The following NKAIN4 variants were observed in gnomAD, a reference collection of about 807,000 sequenced individuals.
NKAIN4 encodes the protein sodium/potassium transporting ATPase interacting 4.
NKAIN4 carries 28 observed loss-of-function variants against 28.8 expected under a neutral mutation model. The observed-to-expected ratio is 0.97, with a 90% CI of 0.72 to 1.33. The LOEUF (loss-of-function observed/expected upper bound fraction) is 1.33, where lower values mean the gene tolerates loss of function less well. NKAIN4 is among the 40% of genes most tolerant of loss of function. The pLI, the probability that NKAIN4 is intolerant of heterozygous loss-of-function variation, is 0.00. For synonymous variants in NKAIN4, 122 were observed against 115.6 expected (o/e 1.06, Z -0.36); for missense variants, 289 against 277.2 (o/e 1.04, Z -0.30).
chr20:63,243,750 G>A (rs6011696), intron 5 of NKAIN4: 13 of 351,270 alleles, frequency 3.7e-5, no homozygotes, highest in Middle Eastern at 7.9e-4. Flanking sequence ...TGGCCACTGC[G>A]GGGATCATGA....
chr20:63,242,604 A>G lies in NKAIN4; in HGVS notation c.552T>C (p.Phe184=), dbSNP rs1369522167. 6.2e-7 allele frequency: 1 copy of G among 1,612,718 alleles called. No individual in the cohort carries two copies. Among genetic ancestry groups the G allele is most frequent in the Non-Finnish European group, 8.5e-7 (1 of 1,179,050 alleles). ...TGACATGGTAGAGAGGAAATGGATC[A>G]AATCCACCAATGAAATCAACTGAAA... ...EEDSFDFIGG[F]DPFPLYHVNE... The change falls in exon 6 of 7, where the codon TTT becomes TTC. Residue 184 remains phenylalanine, a synonymous_variant. Transcript: ENST00000370316.
chr20:63,241,590 C>G, intron 6 of NKAIN4, 84 bp from the exon 7 acceptor site: 1 of 1,263,920 alleles, frequency 7.9e-7, no homozygotes, highest in Admixed American at 2.0e-5. Context: ...CTTGGAGAAC[C>G]TGAAATGGAA....
chr20:63,241,332 T>G lies in NKAIN4; in HGVS notation c.*165A>C, dbSNP rs2066746694. 1.6e-6 allele frequency: 1 copy of G among 642,790 alleles called. No individual in the cohort carries two copies. The highest frequency in any genetic ancestry group is 1.8e-5 in the African/African-American group (1 of 54,384). The allele number at this position is 642,790 out of a possible 1,614,324, so 39.8% of individuals were successfully genotyped here. On this transcript the variant is annotated 3_prime_UTR_variant, in exon 7 of 7. Transcript: ENST00000370316. The stretch of plus-strand genomic sequence containing the variant: ...GCTGCAGCCAGCCGTGGCACTGCCC[T>G]GCCGCCCTGGCTGGTGTCCAGTACT...
intron 4 of NKAIN4, chr20:63,246,514 G>C: frequency 1.0e-6 from 1 of 985,408 alleles, no homozygotes; most frequent in Non-Finnish European, 1.2e-6. Flanking sequence ...GGGAGCTCAC[G>C]AGGCCACCCG....
At chr20:63,246,713 C>G (rs1193802674) in intron 4 of NKAIN4, 24 of 969,130 alleles carry the variant, frequency 2.5e-5, no homozygotes, top group Non-Finnish European at 2.7e-5. Flanking sequence ...AGCGACGGCA[C>G]CAGCCGTGCT....
Position 63,247,641 on chromosome 20 carries a change from A to G in NKAIN4, c.408T>C (p.Ala136=). The change falls in exon 4 of 7, where the codon GCT becomes GCC. Residue 136 remains alanine, a synonymous_variant. Coordinates refer to ENST00000370316, the MANE Select transcript of NKAIN4 (RefSeq NM_152864.4). Reference sequence around the variant, plus strand: ...CATAGCTGGGCTCCAGGGCACAGCCAGCACCTGACACCAGGGCCTGGCCAT... The same window carrying G: ...CATAGCTGGGCTCCAGGGCACAGCCGGCACCTGACACCAGGGCCTGGCCAT... The part of the protein sequence containing the change: ...APHGQALVSG[A]GCALEPSYVE... 1 of 1,547,946 alleles carries G rather than the reference A, an allele frequency of 6.5e-7. No homozygotes were observed. The highest frequency in any genetic ancestry group is 8.7e-7 in the Non-Finnish European group (1 of 1,145,614).
chr20:63,253,602 G>T, intron 1 of NKAIN4: 1 of 803,074 alleles, frequency 1.2e-6, no homozygotes, highest in Non-Finnish European at 1.5e-6. Flanking sequence ...AAGCAAAGCA[G>T]CTTCCCCAGC....
At chr20:63,241,841 T>G in intron 6 of NKAIN4, 3 of 455,668 alleles carry the variant, frequency 6.6e-6, no homozygotes, top group Non-Finnish European at 4.2e-6. Flanking sequence ...CAGGTCTTTA[T>G]TCCCCTGTTC....
At chr20:63,247,292 T>C (rs1363743955) in intron 4 of NKAIN4, 5 of 1,363,320 alleles carry the variant, frequency 3.7e-6, no homozygotes, top group Non-Finnish European at 4.8e-6. Flanking sequence ...CTCGGCCTGA[T>C]CCGATTCCTT....
At chr20:63,243,990 C>T in intron 5 of NKAIN4, 34 bp downstream of exon 5, 1 of 1,587,222 alleles carries the variant, frequency 6.3e-7, no homozygotes, top group Non-Finnish European at 8.6e-7. Context: ...GTAGCCGTCT[C>T]CCGCCCCACT....
chr20:63,243,761 G>A (rs918453336), intron 5 of NKAIN4: 3 of 398,318 alleles, frequency 7.5e-6, no homozygotes, highest in Admixed American at 7.9e-5. Context: ...GGGATCATGA[G>A]GGCAGGCCCA....
intron 1 of NKAIN4, among the ~76,000 whole-genome samples, chr20:63,250,490 C>CG (rs1167464544): frequency 2.6e-5 from 4 of 152,080 alleles, no homozygotes; most frequent in East Asian, 1.9e-4. Flanking sequence ...AAACGCCACT[C>CG]GGGGGGGTCG....
chr20:63,247,681 C>A lies in NKAIN4; in HGVS notation c.368G>T (p.Gly123Val), dbSNP rs1434162368. Residue 123 changes from glycine to valine, a missense_variant, in exon 4 of 7, where the codon GGC becomes GTC. By Grantham distance (109) the Gly-to-Val change is moderately radical. Coordinates refer to ENST00000370316, the MANE Select transcript of NKAIN4 (RefSeq NM_152864.4). ...GCLHEEVPAV[G>V]LGAPHGQALV... is the part of the protein sequence containing the mutation. ...GGCCTGGCCATGGGGGGCCCCGAGGCCCACTGCTGGCACCTCCTCATGCAG... is the reference window on the plus strand; with the variant it reads ...GGCCTGGCCATGGGGGGCCCCGAGGACCACTGCTGGCACCTCCTCATGCAG... 3 of 1,541,172 alleles carry A rather than the reference C, an allele frequency of 1.9e-6. No homozygotes were observed. The highest frequency in any genetic ancestry group is 2.6e-6 in the Non-Finnish European group (3 of 1,142,512).
intron 5 of NKAIN4, chr20:63,243,746 C>T (rs1391682346): frequency 8.7e-6 from 3 of 344,584 alleles, no homozygotes; most frequent in Non-Finnish European, 1.6e-5. Flanking sequence ...CCCGTGGCCA[C>T]TGCGGGGATC....
At chr20:63,250,803 G>A (rs754351991) in intron 1 of NKAIN4, among the ~76,000 whole-genome samples, 1 of 152,030 alleles carries the variant, frequency 6.6e-6, no homozygotes, top group Non-Finnish European at 1.5e-5. Context: ...AGGGACTGGC[G>A]CACTCGGCAC....
chr20:63,246,030 C>CAT (rs2066849841), intron 4 of NKAIN4, among the ~76,000 whole-genome samples: 1 of 151,958 alleles, frequency 6.6e-6, no homozygotes, highest in Non-Finnish European at 1.5e-5. Flanking sequence ...CGGGTTCATG[C>CAT]CATTCTCCTG....
chr20:63,240,848 G>A lies in NKAIN4; in HGVS notation c.*649C>T, dbSNP rs549887217. 1 of 152,538 alleles carries A rather than the reference G, an allele frequency of 6.6e-6. No individual in the cohort carries two copies. Among genetic ancestry groups the A allele is most frequent in the East Asian group, 1.9e-4 (1 of 5,184 alleles). 9.4% of individuals were successfully genotyped at this position (152,538 alleles called of 1,614,324 possible). A position where few individuals can be genotyped will look rare whatever the true frequency, so the allele number is the denominator to read the frequency against. ...CCTGGGGGAGCCTTTGGGACTGTTT[G>A]CCCAAGAGCCCCCTTTACAAGAGTA... On this transcript the variant is annotated 3_prime_UTR_variant, in exon 7 of 7. Coordinates refer to ENST00000370316, the MANE Select transcript of NKAIN4 (RefSeq NM_152864.4).
intron 5 of NKAIN4, 133 bp downstream of exon 5, chr20:63,243,891 A>G: frequency 1.4e-6 from 1 of 712,214 alleles, no homozygotes; most frequent in Non-Finnish European, 2.4e-6. Context: ...TACGGCCGTG[A>G]GCAAGGCCCT....
chr20:63,244,450 C>T (rs747931117), intron 4 of NKAIN4: 10 of 486,434 alleles, frequency 2.1e-5, no homozygotes, highest in South Asian at 1.5e-4. Flanking sequence ...CCCAGCCCTG[C>T]GTCCCCTCGG....
Sources: gnomAD v4.1 joint callset for allele counts (sites outside exome capture counted in the v4.1 genomes callset) on GRCh38, gnomAD v4.1.1 for gene constraint, MANE v1.5 for transcripts, NCBI Gene and HGNC (gene_info 2026-07-23, HGNC 2026-07-21) for gene names.